Variants in SDCCAG8 observed in about 807,000 individuals in gnomAD.
SDCCAG8 encodes the protein SHH signaling and ciliogenesis regulator SDCCAG8.
SDCCAG8 carries 74 observed loss-of-function variants against 101.8 expected under a neutral mutation model. That is an observed-to-expected ratio of 0.73 (90% CI 0.60 to 0.88). The LOEUF (loss-of-function observed/expected upper bound fraction) is 0.88. Among genes scored for constraint, SDCCAG8 ranks in the 40% least tolerant of loss-of-function variants. The pLI is 0.00. For missense variants in SDCCAG8, 787 were observed against 822.6 expected (o/e 0.96, Z 0.53); for synonymous variants, 281 against 292.9 (o/e 0.96, Z 0.41).
At chr1:243,364,467 T>C (rs1311384945) in intron 12 of SDCCAG8, among the ~76,000 whole-genome samples, 1 of 152,166 alleles carries the variant, frequency 6.6e-6, no homozygotes, top group African/African-American at 2.4e-5. Context: ...ATACTGATGT[T>C]CTCTGTAATT....
intron 13 of SDCCAG8, among the ~76,000 whole-genome samples, chr1:243,390,172 C>G (rs1396852604): frequency 1.3e-5 from 2 of 152,104 alleles, no homozygotes; most frequent in East Asian, 3.9e-4. Context: ...GAGTTTTATT[C>G]AAGAATTTTT....
Position 243,304,771 on chromosome 1 carries a change from T to C in SDCCAG8, c.734T>C (p.Phe245Ser), listed in dbSNP as rs2071914606. The C allele has an allele frequency of 6.3e-7, 1 of 1,579,814 alleles. No homozygotes were observed. The highest frequency in any genetic ancestry group is 8.7e-7 in the Non-Finnish European group (1 of 1,149,026). The change falls in exon 7 of 18, where the codon TTT becomes TCT. Residue 245 changes from phenylalanine to serine, a missense_variant. Phe to Ser is a radical substitution (Grantham distance 155). Coordinates refer to ENST00000366541, the MANE Select transcript of SDCCAG8 (RefSeq NM_006642.5). ...GAAATTGAGGAATCCCAATTGAAGT[T>C]TTTGAGGTAAAGTGAAATCGTCCAT... ...KCEIEESQLK[F>S]LRNDLAEYQR...
chr1:243,351,460 C>T (rs1000330532), intron 12 of SDCCAG8, among the ~76,000 whole-genome samples: 1 of 152,168 alleles, frequency 6.6e-6, no homozygotes, highest in East Asian at 1.9e-4. Flanking sequence ...AGCAGCATAT[C>T]GACAAGTGCA....
chr1:243,433,339 G>A (rs2081923227), intron 16 of SDCCAG8, among the ~76,000 whole-genome samples: 1 of 146,568 alleles, frequency 6.8e-6, no homozygotes, highest in African/African-American at 2.5e-5. Flanking sequence ...GCAACAGAGT[G>A]CAACTCCGTC....
chr1:243,259,837 AAAAC>A (rs375651049), intron 1 of SDCCAG8, among the ~76,000 whole-genome samples: 7 of 152,212 alleles, frequency 4.6e-5, no homozygotes, highest in Non-Finnish European at 7.3e-5. Flanking sequence ...TCCTATCTCC[AAAAC>A]AAACAAACAA....
intron 6 of SDCCAG8, among the ~76,000 whole-genome samples, chr1:243,295,173 A>T (rs1024631770): frequency 1.3e-5 from 2 of 152,190 alleles, no homozygotes; most frequent in African/African-American, 4.8e-5. Context: ...GTCTCAAGTC[A>T]TCCACAATTT....
At chr1:243,344,729 T>C (rs1384619668) in intron 12 of SDCCAG8, among the ~76,000 whole-genome samples, 1 of 152,210 alleles carries the variant, frequency 6.6e-6, no homozygotes, top group Non-Finnish European at 1.5e-5. Flanking sequence ...TGAGTTGATA[T>C]GTAAATATGT....
At chr1:243,272,941 AAGCCCTTCAAAGT>A (rs2068213608) in intron 3 of SDCCAG8, among the ~76,000 whole-genome samples, 1 of 152,210 alleles carries the variant, frequency 6.6e-6, no homozygotes, top group South Asian at 2.1e-4. Context: ...ATCTAAACTA[AAGCCCTTCAAAGT>A]AGACACAAAT....
chr1:243,474,677 C>T lies in SDCCAG8; in HGVS notation c.1986-14337C>T, dbSNP rs879568555. Among the ~76,000 whole-genome samples, 27 of 152,210 alleles carry T rather than the reference C, an allele frequency of 1.8e-4. No individual in the cohort carries two copies. Among genetic ancestry groups the T allele is most frequent in the Non-Finnish European group, 3.2e-4 (22 of 68,034 alleles). Reference sequence around the variant, plus strand: ...CGTGGAGCCCTGCGGTCTGTTCCACCTGCAGAGGCACAATTGCCCAGCGTG... The same window carrying T: ...CGTGGAGCCCTGCGGTCTGTTCCACTTGCAGAGGCACAATTGCCCAGCGTG... On this transcript the variant is annotated intron_variant, in intron 16 of 17. Coordinates refer to ENST00000366541, the MANE Select transcript of SDCCAG8 (RefSeq NM_006642.5). This position sits in a 1 kb window ranked among gnomAD's most constrained non-coding sequence, Gnocchi z 4.7.
At chr1:243,353,403 A>T (rs2076197618) in intron 12 of SDCCAG8, among the ~76,000 whole-genome samples, 1 of 144,542 alleles carries the variant, frequency 6.9e-6, no homozygotes, top group Non-Finnish European at 1.5e-5. Flanking sequence ...AGGCAGGAGA[A>T]TTGCTTGAAC....
Position 243,416,662 on chromosome 1 carries a change from T to G in SDCCAG8, c.1744+833T>G, listed in dbSNP as rs2080606636. 6.6e-6 allele frequency among the ~76,000 whole-genome samples: 1 copy of G among 152,182 alleles called. No individual in the cohort carries two copies. The highest frequency in any genetic ancestry group is 1.5e-5 in the Non-Finnish European group (1 of 68,012). ...TTGAAAGTAAAATGCACTTTGAAAA[T>G]AGACAGTTTGATTTGTTCAGTCAGA... is the stretch of plus-strand genomic sequence containing the variant. On this transcript the variant is annotated intron_variant, in intron 14 of 17. Coordinates refer to ENST00000366541, the MANE Select transcript of SDCCAG8 (RefSeq NM_006642.5). This position sits in a 1 kb window ranked among gnomAD's most constrained non-coding sequence, Gnocchi z 4.3.
intron 13 of SDCCAG8, among the ~76,000 whole-genome samples, chr1:243,406,458 G>T (rs965421106): frequency 6.6e-6 from 1 of 152,140 alleles, no homozygotes; most frequent in East Asian, 1.9e-4. Context: ...GGTATCTACC[G>T]TATCTAAAGA....
At chr1:243,375,540 T>C (rs1342170887) in intron 12 of SDCCAG8, among the ~76,000 whole-genome samples, 3 of 152,178 alleles carry the variant, frequency 2.0e-5, no homozygotes, top group Non-Finnish European at 4.4e-5. Flanking sequence ...TTTTAACAGT[T>C]TCTACTTTGA....
chr1:243,276,618 A>G (rs1257281752), intron 4 of SDCCAG8, among the ~76,000 whole-genome samples: 1 of 152,208 alleles, frequency 6.6e-6, no homozygotes, highest in Admixed American at 6.5e-5. Context: ...CACATTTGTT[A>G]CAACTGATGA....
At chr1:243,266,923 A>G (rs1011257838) in intron 1 of SDCCAG8, among the ~76,000 whole-genome samples, 8 of 143,528 alleles carry the variant, frequency 5.6e-5, no homozygotes, top group Non-Finnish European at 1.2e-4. Flanking sequence ...AGCCTGGGCA[A>G]CAAGAGTGCA....
At chr1:243,388,615 C>T (rs553099854) in intron 13 of SDCCAG8, among the ~76,000 whole-genome samples, 22 of 151,564 alleles carry the variant, frequency 1.5e-4, no homozygotes, top group African/African-American at 5.3e-4. Context: ...AATCCCAGCA[C>T]CTTGGGAGGC....
chr1:243,256,140 A>T lies in SDCCAG8; in HGVS notation c.-34A>T. 6.3e-7 allele frequency: 1 copy of T among 1,599,110 alleles called. No homozygotes were observed. Among genetic ancestry groups the T allele is most frequent in the Non-Finnish European group, 8.6e-7 (1 of 1,166,314 alleles). ...AAGGGAGAAAGCTGGACATTTCCCC[A>T]CGTAACTCCCAGCTCTGGGCCTAGA... On this transcript the variant is annotated 5_prime_UTR_variant, in exon 1 of 18. Coordinates refer to ENST00000366541, the MANE Select transcript of SDCCAG8 (RefSeq NM_006642.5).
intron 17 of SDCCAG8, among the ~76,000 whole-genome samples, chr1:243,493,542 G>A (rs1667083380): frequency 6.6e-6 from 1 of 152,030 alleles, no homozygotes; most frequent in Non-Finnish European, 1.5e-5. Flanking sequence ...GTCGTATCCT[G>A]AGCAGGCTGC....
In SDCCAG8 at chr1:243,307,990, A is replaced by G; in HGVS notation, c.742A>G (p.Asn248Asp). 6.2e-7 allele frequency: 1 copy of G among 1,613,706 alleles called. No homozygotes were observed. The highest frequency in any genetic ancestry group is 8.5e-7 in the Non-Finnish European group (1 of 1,179,964). ...IEESQLKFLR[N>D]DLAEYQRTCE... ...AGAATTTTTTCACCCTCTTTTTAGG[A>G]ACGACTTAGCTGAATATCAGAGAAC... Residue 248 changes from asparagine (N) to aspartate (D), a missense_variant and splice_region_variant, in exon 8 of 18, where the codon AAC becomes GAC. Coordinates refer to ENST00000366541, the MANE Select transcript of SDCCAG8 (RefSeq NM_006642.5).
Sources: allele counts gnomAD v4.1 joint callset (sites outside exome capture counted in the v4.1 genomes callset), GRCh38; gene constraint gnomAD v4.1.1; non-coding constraint Gnocchi (gnomAD v3.1); transcripts MANE v1.5; gene names NCBI Gene and HGNC (gene_info 2026-07-23, HGNC 2026-07-21).